ESR1: variants seen among roughly 807,000 people sequenced by gnomAD.
ESR1 encodes estrogen receptor 1.
Under a neutral mutation model 52.7 loss-of-function variants are expected in ESR1, and 12 were observed. That is an observed-to-expected ratio of 0.23 (90% confidence interval 0.15 to 0.37). The LOEUF is 0.37. Ranked by LOEUF, ESR1 falls within the 10% of genes least tolerant of loss-of-function variation. ESR1 has a pLI of 1.00. For synonymous variants in ESR1, 305 were observed against 316.8 expected, an observed-to-expected ratio of 0.96 and a Z score of 0.39; for missense variants, 584 against 779.7, an observed-to-expected ratio of 0.75 and a Z score of 2.99.
At chr6:151,970,085 C>G (rs916572962) in intron 4 of ESR1, among the ~76,000 whole-genome samples, 15 of 152,018 alleles carry the variant, frequency 9.9e-5, no homozygotes, top group African/African-American at 3.6e-4. Flanking sequence ...TCCCTCTGCC[C>G]CCGGAAAGGC....
At chr6:151,921,635 C>A (rs1164797098) in intron 3 of ESR1, among the ~76,000 whole-genome samples, 1 of 152,192 alleles carries the variant, frequency 6.6e-6, no homozygotes, top group East Asian at 1.9e-4. Flanking sequence ...ACCATTCTGA[C>A]TGGTGTGAGA....
chr6:151,918,725 C>T (rs548329814), intron 3 of ESR1, among the ~76,000 whole-genome samples: 44 of 152,262 alleles, frequency 2.9e-4, no homozygotes, highest in African/African-American at 8.7e-4. Flanking sequence ...ACCAATCCTG[C>T]GTGTGCTATG....
At chr6:151,857,391 G>T (rs531459956) in intron 2 of ESR1, among the ~76,000 whole-genome samples, 1 of 151,852 alleles carries the variant, frequency 6.6e-6, no homozygotes, top group East Asian at 1.9e-4. Context: ...ATAGATTTTG[G>T]TGTCTGAGGA....
At position 151,807,695 on chromosome 6, in the gene ESR1, C is replaced by T. The variant is rs566429571; in HGVS notation, c.-218C>T. 3 of 612,678 alleles carry T rather than the reference C, an allele frequency of 4.9e-6. No individual in the cohort carries two copies. The highest frequency in any genetic ancestry group is 5.5e-5 in the Admixed American group (2 of 36,156). 38.0% of individuals were successfully genotyped at this position (612,678 alleles called of 1,614,324 possible). A position where few individuals can be genotyped will look rare whatever the true frequency, so the allele number is the denominator to read the frequency against. On this transcript the variant is annotated 5_prime_UTR_variant, in exon 1 of 8. Transcript: ENST00000206249. ...CGGGAGCCCAGGAGCTGGCGGAGGG[C>T]GTTCGTCCTGGGACTGCACTTGCTC...
chr6:151,842,504 A>G, intron 1 of ESR1, 93 bp from the exon 2 acceptor site: 1 of 1,125,606 alleles, frequency 8.9e-7, no homozygotes, highest in Non-Finnish European at 1.3e-6. Context: ...CATTATTTCA[A>G]AATGTCAGGA....
chr6:151,785,386 T>C (rs145506803), intron 2 of ESR1, among the ~76,000 whole-genome samples: 1 of 152,302 alleles, frequency 6.6e-6, no homozygotes, highest in African/African-American at 2.4e-5. Flanking sequence ...CCAGATGATA[T>C]TGATGCTGTT....
chr6:152,059,912 T>A (rs927277952), intron 5 of ESR1, among the ~76,000 whole-genome samples: 1 of 152,176 alleles, frequency 6.6e-6, no homozygotes, highest in Non-Finnish European at 1.5e-5. Context: ...AACTCCAAGG[T>A]CTATTAACTA....
intron 3 of ESR1, among the ~76,000 whole-genome samples, chr6:151,941,796 T>C (rs959313893): frequency 3.3e-5 from 5 of 152,218 alleles, no homozygotes; most frequent in Admixed American, 6.5e-5. Context: ...CTTCCTTACA[T>C]TGAGCTGTAA....
At chr6:151,776,552 C>T (rs1231834184) in intron 2 of ESR1, among the ~76,000 whole-genome samples, 3 of 152,172 alleles carry the variant, frequency 2.0e-5, no homozygotes, top group East Asian at 1.9e-4. Context: ...AGACTGGCCA[C>T]GGAGGCCGGC....
In ESR1 at chr6:151,808,141, G is replaced by A. The variant is rs9340773; in HGVS notation, c.229G>A (p.Gly77Ser). The change falls in exon 1 of 8, where the codon GGC (glycine) becomes AGC (serine). Residue 77 changes from glycine (G) to serine (S), a missense_variant. This residue lies in a region of ESR1 where 251 missense variants were observed against 246.1 expected (regional missense o/e 1.02). Transcript: ENST00000206249. ...CAACGCGCAGGTCTACGGTCAGACC[G>A]GCCTCCCCTACGGCCCCGGGTCTGA... ...AANAQVYGQTGLPYGPGSEAA... is the reference protein window; with the variant it reads ...AANAQVYGQTSLPYGPGSEAA... The A allele has an allele frequency of 1.9e-3, 3,105 of 1,604,744 alleles. 90 individuals carry two copies. In the South Asian group the frequency reaches 0.033, roughly 17 times the overall value.
intron 4 of ESR1, among the ~76,000 whole-genome samples, chr6:151,951,786 C>G (rs1360053215): frequency 6.6e-6 from 1 of 152,234 alleles, no homozygotes; most frequent in Non-Finnish European, 1.5e-5. Context: ...CTTTTAGCCT[C>G]TGCAAACAAA....
chr6:151,697,629 T>C (rs1372116741), intron 1 of ESR1, among the ~76,000 whole-genome samples: 1 of 152,230 alleles, frequency 6.6e-6, no homozygotes, highest in East Asian at 1.9e-4. Context: ...CATTTGAATT[T>C]TTTATATTTA....
intron 4 of ESR1, among the ~76,000 whole-genome samples, chr6:151,962,452 C>A (rs1478471984): frequency 6.6e-6 from 1 of 152,194 alleles, no homozygotes; most frequent in African/African-American, 2.4e-5. Context: ...GCCATCTACA[C>A]ATATCCCGGA....
chr6:151,950,129 A>G (rs969635800), intron 4 of ESR1, among the ~76,000 whole-genome samples: 1 of 152,106 alleles, frequency 6.6e-6, no homozygotes, highest in Admixed American at 6.5e-5. Flanking sequence ...TGTGCCTTCC[A>G]CCTTCTGCCA....
intron 6 of ESR1, among the ~76,000 whole-genome samples, chr6:152,065,731 G>A (rs80179466): frequency 0.012 from 1,865 of 152,092 alleles, 38 homozygotes; most frequent in African/African-American, 0.043. Context: ...CCAGTTACCC[G>A]GATGCCTTCT....
chr6:151,938,661 T>G (rs1057018227), intron 3 of ESR1, among the ~76,000 whole-genome samples: 2 of 152,182 alleles, frequency 1.3e-5, no homozygotes, highest in African/African-American at 4.8e-5. Context: ...TTCCTCCTCA[T>G]TCCTATTGCC....
intron 1 of ESR1, among the ~76,000 whole-genome samples, chr6:151,694,025 G>A (rs75081164): frequency 0.011 from 1,691 of 152,296 alleles, 25 homozygotes; most frequent in African/African-American, 0.038. Context: ...AACTATAGTA[G>A]CACCTAAGGT....
intron 5 of ESR1, among the ~76,000 whole-genome samples, chr6:152,059,609 A>G (rs1468180974): frequency 6.6e-6 from 1 of 152,282 alleles, no homozygotes. Context: ...CTATACCAAT[A>G]TATTCTCTTA....
At chr6:151,837,977 C>A (rs1204934787) in intron 1 of ESR1, among the ~76,000 whole-genome samples, 1 of 152,082 alleles carries the variant, frequency 6.6e-6, no homozygotes, top group Non-Finnish European at 1.5e-5. Context: ...AAATAAGAGT[C>A]TTTTAAATAA....
Sources: allele counts gnomAD v4.1 joint callset (sites outside exome capture counted in the v4.1 genomes callset), GRCh38; gene constraint gnomAD v4.1.1; regional missense constraint gnomAD v4.1.1; transcripts MANE v1.5; gene names NCBI Gene and HGNC (gene_info 2026-07-23, HGNC 2026-07-21).